TRAPPC6A: variants seen among roughly 807,000 people sequenced by gnomAD.
TRAPPC6A encodes the protein trafficking protein particle complex subunit 6A, also known as TRAPP complex subunit 6A.
A neutral mutation model predicts 20.8 loss-of-function variants in TRAPPC6A; 25 were observed. That is an observed-to-expected ratio of 1.20 (90% CI 0.88 to 1.68). The LOEUF (loss-of-function observed/expected upper bound fraction) is 1.68. TRAPPC6A is among the 40% of genes most tolerant of loss of function. TRAPPC6A has a pLI of 0.00. For synonymous variants in TRAPPC6A, 96 were observed against 93.3 expected, an observed-to-expected ratio of 1.03 and a Z score of -0.16; for missense variants, 215 against 211.6, an observed-to-expected ratio of 1.02 and a Z score of -0.10.
chr19:45,164,107 G>C, intron 4 of TRAPPC6A, 57 bp downstream of exon 4: 2 of 1,558,834 alleles, frequency 1.3e-6, no homozygotes, highest in Non-Finnish European at 1.7e-6. Context: ...GATGTGGGAT[G>C]GGGCTGGGTA....
intron 1 of TRAPPC6A, among the ~76,000 whole-genome samples, chr19:45,170,929 C>T (rs1969255801): frequency 6.6e-6 from 1 of 152,240 alleles, no homozygotes; most frequent in African/African-American, 2.4e-5. Flanking sequence ...CTCCACCCAC[C>T]TCATCACAGC....
At position 45,173,342 on chromosome 19, in the gene TRAPPC6A, A is replaced by T. The variant is rs1389955666; in HGVS notation, c.84+4793T>A. Among the ~76,000 whole-genome samples the T allele has an allele frequency of 3.3e-5, 5 of 151,736 alleles. No individual in the cohort carries two copies. The stretch of plus-strand genomic sequence containing the variant: ...TAACCACCGTACCAGGCAGGATAGG[A>T]GGTCACAAAAGCCCTACACACTGGC... On this transcript the variant is annotated intron_variant, in intron 1 of 5. Transcript: ENST00000585934. The surrounding 1 kb of genome is among the most constrained non-coding windows in gnomAD (Gnocchi z 4.8).
chr19:45,166,594 A>G (rs1195509978), intron 1 of TRAPPC6A, among the ~76,000 whole-genome samples: 2 of 151,734 alleles, frequency 1.3e-5, no homozygotes, highest in African/African-American at 4.8e-5. Flanking sequence ...GGCACCAGAA[A>G]TCCCAGGACG....
rs117456696 is a variant in TRAPPC6A at position 45,175,592 on chromosome 19, A to G, written c.84+2543T>C. On this transcript the variant is annotated intron_variant, in intron 1 of 5. Transcript: ENST00000585934. ...GGATTGTTACGCTAAGATCTGAAGG[A>G]TTAATAGTTGTTAGCATGGTGAAGA... Among the ~76,000 whole-genome samples the G allele has an allele frequency of 8.0e-3, 1,222 of 152,202 alleles. 4 individuals carry two copies. The highest frequency in any genetic ancestry group is 0.026 in the South Asian group (125 of 4,814).
At chr19:45,164,751 C>A (rs959855420) in intron 3 of TRAPPC6A, 102 bp downstream of exon 3, 26 of 1,066,318 alleles carry the variant, frequency 2.4e-5, no homozygotes, top group Non-Finnish European at 3.3e-5. Context: ...AAGCTCTGGG[C>A]GGGTCCCGGC....
At chr19:45,165,842 G>A (rs1348775787) in intron 1 of TRAPPC6A, among the ~76,000 whole-genome samples, 1 of 152,148 alleles carries the variant, frequency 6.6e-6, no homozygotes, top group Non-Finnish European at 1.5e-5. Flanking sequence ...AGGTAGGAGG[G>A]CTGCACTCGG....
intron 1 of TRAPPC6A, among the ~76,000 whole-genome samples, chr19:45,168,465 CCA>C (rs1969206216): frequency 6.6e-6 from 1 of 152,196 alleles, no homozygotes; most frequent in Non-Finnish European, 1.5e-5. Flanking sequence ...GCACACGGGC[CCA>C]CACTCACTCA....
intron 1 of TRAPPC6A, among the ~76,000 whole-genome samples, chr19:45,175,185 C>T (rs568716608): frequency 7.9e-5 from 12 of 151,314 alleles, no homozygotes; most frequent in African/African-American, 2.2e-4. Context: ...GGCGTGAACC[C>T]GGGAGGCAGA....
chr19:45,168,035 C>T (rs978537674), intron 1 of TRAPPC6A, among the ~76,000 whole-genome samples: 3 of 143,604 alleles, frequency 2.1e-5, no homozygotes, highest in Non-Finnish European at 3.0e-5. Flanking sequence ...CAGAGTCTCG[C>T]CCTGTCGCCC....
chr19:45,173,938 G>A lies in TRAPPC6A; in HGVS notation c.84+4197C>T, dbSNP rs556195943. Among the ~76,000 whole-genome samples the A allele has an allele frequency of 6.6e-6, 1 of 152,318 alleles. No individual in the cohort carries two copies. Among genetic ancestry groups the A allele is most frequent in the East Asian group, 1.9e-4 (1 of 5,178 alleles). ...AGCATCGGAATGTAGTGGCAGCTGGGTAGGGAACCCCTGCCCAAGGTCCCA... is the reference window on the plus strand; with the variant it reads ...AGCATCGGAATGTAGTGGCAGCTGGATAGGGAACCCCTGCCCAAGGTCCCA... On this transcript the variant is annotated intron_variant, in intron 1 of 5. Coordinates refer to ENST00000585934, the MANE Select transcript of TRAPPC6A (RefSeq NM_001270891.2). The surrounding 1 kb of genome is among the most constrained non-coding windows in gnomAD (Gnocchi z 4.8).
rs1969117020 is a variant in TRAPPC6A, at chr19:45,164,985, C to T, written c.153-15G>A. ...CCCGGGGCAGCCTGGTGGGGCAGTA[C>T]CAAGCTGAGGCCGTGGGGCCAGGCC... is the stretch of plus-strand genomic sequence containing the variant. On this transcript the variant is annotated splice_polypyrimidine_tract_variant and intron_variant, in intron 2 of 5. Transcript: ENST00000585934. The T allele has an allele frequency of 6.2e-7, 1 of 1,613,544 alleles. No individual in the cohort carries two copies. Among genetic ancestry groups the T allele is most frequent in the Non-Finnish European group, 8.5e-7 (1 of 1,179,618 alleles).
chr19:45,177,218 C>G (rs938035713), intron 1 of TRAPPC6A, among the ~76,000 whole-genome samples: 5 of 146,124 alleles, frequency 3.4e-5, no homozygotes, highest in African/African-American at 5.1e-5. Context: ...CACACACACA[C>G]AGTCCCGGGC....
At chr19:45,174,655 C>A (rs1969327767) in intron 1 of TRAPPC6A, among the ~76,000 whole-genome samples, 1 of 151,966 alleles carries the variant, frequency 6.6e-6, no homozygotes, top group South Asian at 2.1e-4. Context: ...ATTGTGAAAA[C>A]CTATCTCTAC....
rs1431836447 is a variant in TRAPPC6A at position 45,163,198 on chromosome 19, T to G, written c.474A>C (p.Lys158Asn). The G allele has an allele frequency of 1.2e-6, 2 of 1,613,752 alleles. No individual in the cohort carries two copies. The highest frequency in any genetic ancestry group is 1.7e-5 in the Admixed American group (1 of 59,998). Reference sequence around the variant, plus strand: ...CAGCAGGTGCGAGGCAGGCTTAGGATTTCGGAATCACCACCTGGAACTTAC... The same window carrying G: ...CAGCAGGTGCGAGGCAGGCTTAGGAGTTCGGAATCACCACCTGGAACTTAC... Reference protein sequence around the residue: ...PVCKFQVVIPKS With the variant: ...PVCKFQVVIPNS The change falls in exon 6 of 6, where the codon AAA (lysine) becomes AAC (asparagine). Residue 158 changes from lysine (K) to asparagine (N), a missense_variant. Lys to Asn is a moderately conservative substitution (Grantham distance 94, BLOSUM62 0). Coordinates refer to ENST00000585934, the MANE Select transcript of TRAPPC6A (RefSeq NM_001270891.2). This position sits in a 1 kb window ranked among gnomAD's most constrained non-coding sequence, Gnocchi z 5.3.
chr19:45,165,083 C>T (rs1255329416), intron 2 of TRAPPC6A, 44 bp downstream of exon 2: 2 of 1,612,264 alleles, frequency 1.2e-6, no homozygotes, highest in Non-Finnish European at 8.5e-7. Flanking sequence ...GCCTGCCCAG[C>T]CCTGCCAGCC....
At chr19:45,176,654 AC>A (rs199812569) in intron 1 of TRAPPC6A, among the ~76,000 whole-genome samples, 1,754 of 152,114 alleles carry the variant, frequency 0.012, 35 homozygotes, top group African/African-American at 0.041. Flanking sequence ...TAAACTTATG[AC>A]AGGTTTGTAT....
chr19:45,168,840 T>C (rs1025764053), intron 1 of TRAPPC6A, among the ~76,000 whole-genome samples: 1 of 151,638 alleles, frequency 6.6e-6, no homozygotes, highest in Non-Finnish European at 1.5e-5. Flanking sequence ...GTGGGTGGGG[T>C]GACAGCCATG....
intron 1 of TRAPPC6A, among the ~76,000 whole-genome samples, chr19:45,168,345 AAGAC>A (rs1428368639): frequency 6.6e-6 from 1 of 152,188 alleles, no homozygotes; most frequent in African/African-American, 2.4e-5. Context: ...AAAAACCAGT[AAGAC>A]ATTTACTCGC....
At position 45,163,764 on chromosome 19, in the gene TRAPPC6A, G is replaced by A. The variant is rs545098746; in HGVS notation, c.448+152C>T. 25 of 678,254 alleles carry A rather than the reference G, an allele frequency of 3.7e-5. No individual in the cohort carries two copies. The South Asian group carries it at 4.6e-4, about 12-fold the overall frequency. 42.0% of individuals were successfully genotyped at this position (678,254 alleles called of 1,614,324 possible). A position where few individuals can be genotyped will look rare whatever the true frequency, so the allele number is the denominator to read the frequency against. On this transcript the variant is annotated intron_variant, in intron 5 of 5. Coordinates refer to ENST00000585934, the MANE Select transcript of TRAPPC6A (RefSeq NM_001270891.2). This position sits in a 1 kb window ranked among gnomAD's most constrained non-coding sequence, Gnocchi z 5.3. ...AGGGCTGGCGACGTCACGGAGCCAG[G>A]GGCACAGATGGGCCTGCACCAGCCG... is the stretch of plus-strand genomic sequence containing the variant.
Sources: gnomAD v4.1 joint callset for allele counts (sites outside exome capture counted in the v4.1 genomes callset) on GRCh38, gnomAD v4.1.1 for gene constraint, Gnocchi (gnomAD v3.1) non-coding constraint, MANE v1.5 for transcripts, NCBI Gene and HGNC (gene_info 2026-07-23, HGNC 2026-07-21) for gene names.